Variants in ARHGAP23 observed in about 807,000 individuals in gnomAD.
The protein encoded by ARHGAP23 is rho GTPase-activating protein 23.
In ARHGAP23, 34 loss-of-function variants were observed where a neutral mutation model predicts 136.3. That is an observed-to-expected ratio of 0.25 (90% CI 0.19 to 0.33). The LOEUF (loss-of-function observed/expected upper bound fraction) is 0.33. ARHGAP23 is among the 10% of genes least tolerant of loss of function. ARHGAP23 has a pLI of 1.00. For synonymous variants in ARHGAP23, 832 were observed against 920.5 expected, an observed-to-expected ratio of 0.90 and a Z score of 1.74; for missense variants, 1,808 against 2,139.0, an observed-to-expected ratio of 0.85 and a Z score of 3.05.
At chr17:38,501,967 ATAGT>A (rs2040531732) in intron 23 of ARHGAP23, among the ~76,000 whole-genome samples, 1 of 151,946 alleles carries the variant, frequency 6.6e-6, no homozygotes, top group African/African-American at 2.4e-5. Flanking sequence ...TGTTATTTAA[ATAGT>A]TATTTAAGAA....
At chr17:38,433,536 G>T (rs1050882169) in intron 1 of ARHGAP23, among the ~76,000 whole-genome samples, 1 of 152,184 alleles carries the variant, frequency 6.6e-6, no homozygotes, top group African/African-American at 2.4e-5. Flanking sequence ...ACAGGCTGGA[G>T]AATGATGTGC....
intron 3 of ARHGAP23, among the ~76,000 whole-genome samples, chr17:38,461,821 A>G (rs1169268648): frequency 6.6e-6 from 1 of 152,162 alleles, no homozygotes; most frequent in African/African-American, 2.4e-5. Flanking sequence ...ACATGTCTTC[A>G]GAACTGTTAT....
intron 7 of ARHGAP23, among the ~76,000 whole-genome samples, chr17:38,467,580 G>A (rs2039641623): frequency 2.0e-5 from 3 of 151,448 alleles, no homozygotes; most frequent in Admixed American, 6.6e-5. Flanking sequence ...ATCTTTCCAC[G>A]CACTCTTTCT....
rs562791732 is a variant in ARHGAP23 at position 38,469,738 on chromosome 17, T to C, written c.1916+103T>C. 5 of 1,501,712 alleles carry C rather than the reference T, an allele frequency of 3.3e-6. No individual in the cohort carries two copies. The East Asian group carries it at 1.2e-4, about 37-fold the overall frequency. 93.0% of individuals were successfully genotyped at this position (1,501,712 alleles called of 1,614,324 possible). ...TGGGGGTCCTCTATGCATGGGACAG[T>C]GTGCCTCCCCCGCTGGAAGGCTTCT... is the stretch of plus-strand genomic sequence containing the variant. On this transcript the variant is annotated intron_variant, in intron 9 of 23. Transcript: ENST00000622683.
At chr17:38,499,061 G>A (rs117625803) in intron 22 of ARHGAP23, 37,909 of 678,478 alleles carry the variant, frequency 0.056, 1,261 homozygotes, top group Middle Eastern at 0.088. Flanking sequence ...AGGACCCCAC[G>A]CTGACATGCC....
At chr17:38,473,255 G>A (rs530955411) in intron 11 of ARHGAP23, among the ~76,000 whole-genome samples, 29 of 151,816 alleles carry the variant, frequency 1.9e-4, no homozygotes, top group African/African-American at 5.3e-4. Context: ...TGCCCAGCCC[G>A]CTTACTGCTA....
chr17:38,478,445 C>T (rs1178441154), intron 12 of ARHGAP23, among the ~76,000 whole-genome samples: 1 of 150,138 alleles, frequency 6.7e-6, no homozygotes, highest in Non-Finnish European at 1.5e-5. Flanking sequence ...GGCAGAGTCT[C>T]GCTCTGTTGC....
At chr17:38,464,787 GGC>G (rs1451663395) in intron 6 of ARHGAP23, among the ~76,000 whole-genome samples, 1 of 152,218 alleles carries the variant, frequency 6.6e-6, no homozygotes, top group African/African-American at 2.4e-5. Context: ...GGGGTGGGCT[GGC>G]AGCGCCAGAT....
At chr17:38,480,010 A>C in intron 14 of ARHGAP23, 127 bp downstream of exon 14, 1 of 1,351,870 alleles carries the variant, frequency 7.4e-7, no homozygotes, top group Non-Finnish European at 1.0e-6. Flanking sequence ...GGCTACCGGT[A>C]TGTCTGTCTG....
intron 1 of ARHGAP23, among the ~76,000 whole-genome samples, chr17:38,423,222 C>T (rs369398486): frequency 1.4e-4 from 21 of 149,838 alleles, no homozygotes; most frequent in South Asian, 4.2e-4. Context: ...AGACGATGTT[C>T]TGCTCTGTCA....
Position 38,494,712 on chromosome 17 carries a change from G to A in ARHGAP23, c.3277-3073G>A, listed in dbSNP as rs187757390. 1.4e-3 allele frequency among the ~76,000 whole-genome samples: 212 copies of A among 152,350 alleles called. 1 individual carries two copies. The highest frequency in any genetic ancestry group is 4.7e-3 in the African/African-American group (197 of 41,582). ...ACAGAAGGACCCACCCCGGCCCTGG[G>A]TGCAGGGCTGGGGTCGTAGTCATGG... On this transcript the variant is annotated intron_variant, in intron 20 of 23. Transcript: ENST00000622683.
rs2039634017 is a variant in ARHGAP23, at chr17:38,467,308, C to G, written c.1625C>G (p.Ser542Cys). The G allele has an allele frequency of 1.3e-6, 2 of 1,491,528 alleles. No individual in the cohort carries two copies. The highest frequency in any genetic ancestry group is 5.1e-5 in the Admixed American group (2 of 39,278). 92.4% of individuals were successfully genotyped at this position (1,491,528 alleles called of 1,614,324 possible). A position where few individuals can be genotyped will look rare whatever the true frequency, so the allele number is the denominator to read the frequency against. The change falls in exon 7 of 24, where the codon TCT (serine) becomes TGT (cysteine). Residue 542 changes from serine (S) to cysteine (C), a missense_variant. Physicochemically the swap from Ser to Cys is moderately radical, Grantham distance 112. Transcript: ENST00000622683. Reference protein sequence around the residue: ...KVAPLATTEDSLASIPFIDEP... With the variant: ...KVAPLATTEDCLASIPFIDEP... ...GCCCCTTTGGCCACCACCGAAGACT[C>G]TCTGGCTTCCATCCCCTTTATTGGT...
chr17:38,467,465 A>G (rs192167502), intron 7 of ARHGAP23, 134 bp downstream of exon 7: 41 of 748,810 alleles, frequency 5.5e-5, no homozygotes, highest in African/African-American at 3.9e-4. Context: ...TTCTCTGTCA[A>G]TTCATTCATC....
At chr17:38,424,472 C>G (rs2038550924), upstream of ARHGAP23, among the ~76,000 whole-genome samples, 1 of 152,182 alleles carries the variant, frequency 6.6e-6, no homozygotes, top group Non-Finnish European at 1.5e-5. Flanking sequence ...GCTGTTGTCT[C>G]TGCCCCACAC....
intron 19 of ARHGAP23, 150 bp from the exon 20 acceptor site, chr17:38,491,257 A>G (rs1299358153): frequency 1.8e-6 from 2 of 1,121,934 alleles, no homozygotes; most frequent in East Asian, 2.6e-5. Flanking sequence ...TGCTCTACTC[A>G]TCAAGCATCT....
intron 14 of ARHGAP23, 102 bp downstream of exon 14, chr17:38,479,985 C>G (rs1365229803): frequency 1.4e-6 from 2 of 1,470,582 alleles, no homozygotes; most frequent in African/African-American, 2.8e-5. Flanking sequence ...TCATGTGTGC[C>G]TGACTGTGTG....
Position 38,466,775 on chromosome 17 carries a change from A to G in ARHGAP23, c.1092A>G (p.Ala364=). Residue 364 remains alanine, a synonymous_variant, in exon 7 of 24, where the codon GCA becomes GCG. Coordinates refer to ENST00000622683, the MANE Select transcript of ARHGAP23 (RefSeq NM_001199417.2). ...YLSRATRSAE[A]LGPGALVSPR... is the part of the protein sequence containing the mutation. ...GCCGGGCCACCCGTTCTGCCGAGGC[A>G]CTGGGGCCAGGGGCACTGGTGTCAC... 1 of 1,549,204 alleles carries G rather than the reference A, an allele frequency of 6.5e-7. No individual in the cohort carries two copies. The highest frequency in any genetic ancestry group is 2.4e-5 in the East Asian group (1 of 40,868).
chr17:38,439,760 T>C (rs1375319299), intron 1 of ARHGAP23, among the ~76,000 whole-genome samples: 1 of 151,252 alleles, frequency 6.6e-6, no homozygotes, highest in African/African-American at 2.4e-5. Flanking sequence ...CAGCTTCCTC[T>C]GAATCCTGCT....
chr17:38,436,058 G>A (rs1465466501), intron 1 of ARHGAP23, among the ~76,000 whole-genome samples: 1 of 152,204 alleles, frequency 6.6e-6, no homozygotes. Context: ...AGCTTCATTA[G>A]CTCTAATGAA....
Sources: allele counts gnomAD v4.1 joint callset (sites outside exome capture counted in the v4.1 genomes callset), GRCh38; gene constraint gnomAD v4.1.1; transcripts MANE v1.5; gene names NCBI Gene and HGNC (gene_info 2026-07-23, HGNC 2026-07-21).